AP1G1: variants seen among roughly 807,000 people sequenced by gnomAD.
The protein encoded by AP1G1 is adaptor related protein complex 1 subunit gamma 1, also known as AP-1 complex subunit gamma-1.
AP1G1 carries 7 observed loss-of-function variants against 108.3 expected under a neutral mutation model. The ratio of observed to expected loss-of-function variants is 0.06; its 90% CI spans 0.04 to 0.12. The LOEUF is 0.12. AP1G1 is among the 10% of genes least tolerant of loss of function. The pLI is 1.00. For missense variants in AP1G1, 756 were observed against 1,010.7 expected, an observed-to-expected ratio of 0.75 and a Z score of 3.42; for synonymous variants, 379 against 353.5, an observed-to-expected ratio of 1.07 and a Z score of -0.81.
chr16:71,780,397 C>G (rs903138640), intron 2 of AP1G1, among the ~76,000 whole-genome samples: 1 of 151,582 alleles, frequency 6.6e-6, no homozygotes, highest in Non-Finnish European at 1.5e-5. Context: ...GAGGCTCAGG[C>G]ACCAGGATCG....
intron 1 of AP1G1, among the ~76,000 whole-genome samples, chr16:71,793,522 A>C (rs145071131): frequency 2.5e-4 from 38 of 152,300 alleles, no homozygotes; most frequent in Admixed American, 9.2e-4. Flanking sequence ...CAAAAGCAGC[A>C]ACAAAAACAA....
At chr16:71,741,712 GCAGA>G (rs533848331) in intron 19 of AP1G1, among the ~76,000 whole-genome samples, 3 of 152,174 alleles carry the variant, frequency 2.0e-5, no homozygotes, top group Admixed American at 6.5e-5. Context: ...TATCAATGAA[GCAGA>G]CAAAGAAATA....
chr16:71,738,830 G>T, intron 21 of AP1G1, 112 bp downstream of exon 21: 2 of 970,556 alleles, frequency 2.1e-6, no homozygotes, highest in Non-Finnish European at 3.1e-6. Flanking sequence ...TTTGAATTAA[G>T]TCTACAAATT....
intron 13 of AP1G1, 115 bp downstream of exon 13, chr16:71,753,718 T>A (rs1032794332): frequency 4.5e-6 from 4 of 884,514 alleles, no homozygotes; most frequent in Admixed American, 2.0e-5. Flanking sequence ...CTAACTGACA[T>A]TAATGTTACC....
chr16:71,758,407 G>A (rs1224835040), intron 11 of AP1G1: 1 of 520,902 alleles, frequency 1.9e-6, no homozygotes, highest in African/African-American at 1.9e-5. Flanking sequence ...AAAAACGTGT[G>A]CTGTCAGCAG....
At chr16:71,804,347 A>G (rs1181092817) in intron 1 of AP1G1, among the ~76,000 whole-genome samples, 1 of 149,892 alleles carries the variant, frequency 6.7e-6, no homozygotes, top group Admixed American at 6.7e-5. Context: ...CGCCCAGCCA[A>G]CAAAGATCAT....
intron 19 of AP1G1, 127 bp downstream of exon 19, chr16:71,745,017 C>G (rs2030097759): frequency 4.1e-6 from 4 of 976,538 alleles, no homozygotes; most frequent in Non-Finnish European, 6.1e-6. Context: ...GAAGATTTGA[C>G]TCTTGCTTCT....
chr16:71,734,811 T>C, intron 21 of AP1G1, 104 bp from the exon 22 acceptor site: 1 of 872,112 alleles, frequency 1.1e-6, no homozygotes, highest in Admixed American at 1.9e-5. Flanking sequence ...AAGCAACAGA[T>C]TTCACTACTA....
Position 71,732,739 on chromosome 16 carries a change from C to A in AP1G1, c.*319G>T. The stretch of plus-strand genomic sequence containing the variant: ...TGGATTGCAGTCCTCTCCTCCAGAC[C>A]AGCTGCTTATTTCCTCAGGGGCCCA... On this transcript the variant is annotated 3_prime_UTR_variant, in exon 23 of 23. Coordinates refer to ENST00000299980, the MANE Select transcript of AP1G1 (RefSeq NM_001128.6). 1 of 248,846 alleles carries A rather than the reference C, an allele frequency of 4.0e-6. No homozygotes were observed. The highest frequency in any genetic ancestry group is 5.2e-5 in the Admixed American group (1 of 19,372). The allele number at this position is 248,846 out of a possible 1,614,324, so 15.4% of individuals were successfully genotyped here. A position where few individuals can be genotyped will look rare whatever the true frequency, so the allele number is the denominator to read the frequency against.
intron 1 of AP1G1, among the ~76,000 whole-genome samples, chr16:71,802,856 C>T (rs1329467509): frequency 6.6e-6 from 1 of 152,110 alleles, no homozygotes; most frequent in Non-Finnish European, 1.5e-5. Flanking sequence ...GCCACCAGGT[C>T]TGGCCAGCGA....
In AP1G1 at chr16:71,745,537, C is replaced by T; in HGVS notation, c.1808G>A (p.Gly603Glu). The change falls in exon 18 of 23, where the codon GGA becomes GAA. Residue 603 changes from glycine (G) to glutamate (E), a missense_variant. Physicochemically the swap from Gly to Glu is moderately conservative, Grantham distance 98. Around this residue, in one of 3 missense-constraint regions of AP1G1, gnomAD observed 357 missense variants for 366.5 expected, o/e 0.97. Coordinates refer to ENST00000299980, the MANE Select transcript of AP1G1 (RefSeq NM_001128.6). ...NGPTEIVQTN[G>E]ETEPAPLETK... ...CTCTAGTGGAGCTGGTTCTGTCTCT[C>T]CATTTGTCTGCACAATCTCAGTAGG... 1 of 1,614,174 alleles carries T rather than the reference C, an allele frequency of 6.2e-7. No homozygotes were observed. Among genetic ancestry groups the T allele is most frequent in the African/African-American group, 1.3e-5 (1 of 75,028 alleles).
At position 71,764,320 on chromosome 16, in the gene AP1G1, G is replaced by C. The variant is rs758751344; in HGVS notation, c.918+30C>G. On this transcript the variant is annotated intron_variant, in intron 9 of 22. Coordinates refer to ENST00000299980, the MANE Select transcript of AP1G1 (RefSeq NM_001128.6). The stretch of plus-strand genomic sequence containing the variant: ...CAACCATTCTAAGTGAAACATTTAG[G>C]GGGGGAAGAAAAGATTCAAAAAGAC... 2.3e-5 allele frequency: 31 copies of C among 1,357,404 alleles called. No individual in the cohort carries two copies. The South Asian group carries it at 2.3e-4, about 10-fold the overall frequency. 84.1% of individuals were successfully genotyped at this position (1,357,404 alleles called of 1,614,324 possible).
intron 1 of AP1G1, among the ~76,000 whole-genome samples, chr16:71,801,364 T>C (rs1046133009): frequency 1.3e-5 from 2 of 149,162 alleles, no homozygotes; most frequent in African/African-American, 5.0e-5. Flanking sequence ...CATAGAGTAA[T>C]ATAAATAATA....
chr16:71,771,333 C>G, intron 4 of AP1G1, 81 bp from the exon 5 acceptor site: 1 of 754,656 alleles, frequency 1.3e-6, no homozygotes, highest in South Asian at 2.0e-5. Flanking sequence ...ACCACCAACA[C>G]AAAAATCTCA....
chr16:71,734,942 C>T (rs1373058935), intron 21 of AP1G1, among the ~76,000 whole-genome samples: 1 of 152,208 alleles, frequency 6.6e-6, no homozygotes, highest in Non-Finnish European at 1.5e-5. Context: ...TAGTAATAAA[C>T]CACATTCTCC....
chr16:71,796,658 T>C (rs942918947), intron 1 of AP1G1, among the ~76,000 whole-genome samples: 1 of 152,176 alleles, frequency 6.6e-6, no homozygotes, highest in African/African-American at 2.4e-5. Flanking sequence ...CTGTGGAATG[T>C]AGGATCACAT....
At chr16:71,757,333 C>T (rs1411837264) in intron 11 of AP1G1, among the ~76,000 whole-genome samples, 2 of 151,888 alleles carry the variant, frequency 1.3e-5, no homozygotes, top group African/African-American at 2.4e-5. Flanking sequence ...CGCCTGTAAT[C>T]CCAGGTACTT....
At position 71,745,458 on chromosome 16, in the gene AP1G1, T is replaced by A. The variant is rs771784072; in HGVS notation, c.1872+15A>T. ...TCGTAAGAAGCCCCAGATGAGCAAG[T>A]GAAAGGCTGGCTACCTGGCTGGTGG... On this transcript the variant is annotated intron_variant, in intron 18 of 22. Transcript: ENST00000299980. 8 of 1,614,028 alleles carry A rather than the reference T, an allele frequency of 5.0e-6. 1 individual carries two copies. The South Asian group carries it at 8.8e-5, about 18-fold the overall frequency.
chr16:71,755,821 T>A, intron 12 of AP1G1, 198 bp downstream of exon 12: 1 of 546,670 alleles, frequency 1.8e-6, no homozygotes. Flanking sequence ...AATTTTTGTA[T>A]TTTTAGTGGC....
Sources: gnomAD v4.1 joint callset for allele counts (sites outside exome capture counted in the v4.1 genomes callset) on GRCh38, gnomAD v4.1.1 for gene constraint, gnomAD v4.1.1 regional missense constraint, MANE v1.5 for transcripts, NCBI Gene and HGNC (gene_info 2026-07-23, HGNC 2026-07-21) for gene names.